Variants in PIWIL2 observed in about 807,000 individuals in gnomAD.
PIWIL2 encodes piwi-like protein 2.
A neutral mutation model predicts 116.5 loss-of-function variants in PIWIL2; 81 were observed. The observed-to-expected ratio is 0.70, with a 90% CI of 0.58 to 0.84. PIWIL2 has a LOEUF of 0.84. Ranked by LOEUF, PIWIL2 falls within the 40% of genes least tolerant of loss-of-function variation. The pLI is 0.00. For missense variants in PIWIL2, 1,272 were observed against 1,212.3 expected (o/e 1.05, Z -0.73); for synonymous variants, 489 against 429.5 (o/e 1.14, Z -1.71).
intron 20 of PIWIL2, among the ~76,000 whole-genome samples, chr8:22,336,279 A>G (rs572020065): frequency 6.6e-6 from 1 of 152,346 alleles, no homozygotes; most frequent in African/African-American, 2.4e-5. Context: ...TAATCTTTCA[A>G]AATACATTCT....
At chr8:22,322,037 A>G (rs1586578013) in intron 20 of PIWIL2, 1 of 949,674 alleles carries the variant, frequency 1.1e-6, no homozygotes, top group South Asian at 4.9e-5. Flanking sequence ...TTTTTTGTAA[A>G]TAAACTTTTT....
intron 19 of PIWIL2, 34 bp downstream of exon 19, chr8:22,316,367 T>G (rs767812590): frequency 1.6e-6 from 2 of 1,266,858 alleles, no homozygotes; most frequent in Non-Finnish European, 2.3e-6. Flanking sequence ...CTTGTTTGAT[T>G]ATTTCATTTT....
rs34130038 is a variant in PIWIL2, at chr8:22,282,244, C to CTTT, written c.425+754_425+756dup. On this transcript the variant is annotated intron_variant, in intron 4 of 22. Transcript: ENST00000356766. ...TACAGGTGTGCGCCACCACACCCGG[C>CTTT]TTTTTTTTTTTTTTTTTTTTTTTTT... 3.9e-4 allele frequency among the ~76,000 whole-genome samples: 13 copies of CTTT among 33,570 alleles called. 2 individuals carry two copies. The highest frequency in any genetic ancestry group is 5.7e-4 in the African/African-American group (5 of 8,738). The allele number at this position is 33,570 out of a possible 152,430, so 22.0% of individuals were successfully genotyped here. A position where few individuals can be genotyped will look rare whatever the true frequency, so the allele number is the denominator to read the frequency against.
chr8:22,301,266 C>T (rs908535377), intron 10 of PIWIL2, among the ~76,000 whole-genome samples: 5 of 152,046 alleles, frequency 3.3e-5, no homozygotes, highest in Admixed American at 6.6e-5. Flanking sequence ...CCATCACACC[C>T]GGCCAGTGGT....
chr8:22,291,107 T>G (rs560757152), intron 10 of PIWIL2, among the ~76,000 whole-genome samples: 1 of 151,788 alleles, frequency 6.6e-6, no homozygotes, highest in African/African-American at 2.4e-5. Context: ...TAGCTGGAAT[T>G]ATAGGCGCCC....
intron 10 of PIWIL2, among the ~76,000 whole-genome samples, chr8:22,302,932 C>G (rs888571310): frequency 6.6e-6 from 1 of 152,200 alleles, no homozygotes; most frequent in Non-Finnish European, 1.5e-5. Context: ...GACAACAAAT[C>G]TAGGCTAACA....
At chr8:22,340,598 C>T (rs1022755558) in intron 20 of PIWIL2, among the ~76,000 whole-genome samples, 7 of 151,992 alleles carry the variant, frequency 4.6e-5, no homozygotes, top group Admixed American at 4.6e-4. Context: ...CAGACACAGA[C>T]GGGAGAAGGC....
At chr8:22,326,053 C>T (rs139500210) in intron 20 of PIWIL2, among the ~76,000 whole-genome samples, 18 of 152,120 alleles carry the variant, frequency 1.2e-4, no homozygotes, top group Non-Finnish European at 1.9e-4. Context: ...TTCAGCCTAT[C>T]TCTGCACTGC....
rs777424281 is a variant in PIWIL2 at position 22,308,038 on chromosome 8, C to T, written c.1651C>T (p.Arg551Cys). 4.5e-5 allele frequency: 72 copies of T among 1,613,754 alleles called. 1 individual carries two copies. The Middle Eastern group carries it at 6.6e-4, about 15-fold the overall frequency. The change falls in exon 14 of 23, where the codon CGT (arginine) becomes TGT (cysteine). Residue 551 changes from arginine (R) to cysteine (C), a missense_variant. By Grantham distance (180) the Arg-to-Cys change is radical. Coordinates refer to ENST00000356766, the MANE Select transcript of PIWIL2 (RefSeq NM_018068.5). Reference sequence around the variant, plus strand: ...CGAGGCAGCCACCAATGAACTGATGCGTTGGGGGCTCCGTCTGCAAAAGGA... The same window carrying T: ...CGAGGCAGCCACCAATGAACTGATGTGTTGGGGGCTCCGTCTGCAAAAGGA... ...KNEAATNELM[R>C]WGLRLQKDVH...
chr8:22,324,212 A>C (rs1054261964), intron 20 of PIWIL2, among the ~76,000 whole-genome samples: 2 of 152,248 alleles, frequency 1.3e-5, no homozygotes, highest in African/African-American at 4.8e-5. Flanking sequence ...TAGTGTGCCA[A>C]GATCACGCCA....
intron 20 of PIWIL2, among the ~76,000 whole-genome samples, chr8:22,335,576 C>G (rs1014753129): frequency 8.5e-6 from 1 of 118,300 alleles, no homozygotes; most frequent in African/African-American, 3.2e-5. Context: ...GAGACGCAGT[C>G]TTGCTCTGTT....
At chr8:22,311,878 T>C (rs1370047627) in intron 16 of PIWIL2, among the ~76,000 whole-genome samples, 2 of 152,360 alleles carry the variant, frequency 1.3e-5, no homozygotes, top group Non-Finnish European at 2.9e-5. Context: ...AGCCCTTGAA[T>C]TGAACATTCT....
chr8:22,345,972 CT>C (rs1008693956), intron 20 of PIWIL2, among the ~76,000 whole-genome samples: 4 of 152,096 alleles, frequency 2.6e-5, no homozygotes, highest in Non-Finnish European at 4.4e-5. Flanking sequence ...GGATTAAAAT[CT>C]TTTGGGGTGA....
chr8:22,287,786 C>T (rs769909213), intron 7 of PIWIL2, 141 bp downstream of exon 7: 74 of 642,644 alleles, frequency 1.2e-4, no homozygotes, highest in Non-Finnish European at 1.9e-4. Flanking sequence ...GGACTACAGG[C>T]GTGTGAGCCA....
At chr8:22,307,526 A>C (rs1302284250) in intron 13 of PIWIL2, among the ~76,000 whole-genome samples, 1 of 121,834 alleles carries the variant, frequency 8.2e-6, no homozygotes, top group East Asian at 2.4e-4. Flanking sequence ...TCTGTTGCCC[A>C]GGCTGGAGGG....
In PIWIL2 at chr8:22,314,314, C is replaced by T; in HGVS notation, c.1990-14C>T. 1 of 1,452,192 alleles carries T rather than the reference C, an allele frequency of 6.9e-7. No individual in the cohort carries two copies. The highest frequency in any genetic ancestry group is 9.3e-7 in the Non-Finnish European group (1 of 1,070,088). 90.0% of individuals were successfully genotyped at this position (1,452,192 alleles called of 1,614,324 possible). A position where few individuals can be genotyped will look rare whatever the true frequency, so the allele number is the denominator to read the frequency against. The stretch of plus-strand genomic sequence containing the variant: ...ATTCCACAGCCTGACTTGTATATAC[C>T]TTATCTCCTCAAGGGGAAGATACAG... On this transcript the variant is annotated splice_polypyrimidine_tract_variant and intron_variant, in intron 16 of 22. Coordinates refer to ENST00000356766, the MANE Select transcript of PIWIL2 (RefSeq NM_018068.5).
intron 8 of PIWIL2, among the ~76,000 whole-genome samples, 157 bp from the exon 9 acceptor site, chr8:22,289,685 GTTTTC>G (rs1296964234): frequency 6.6e-6 from 1 of 152,176 alleles, no homozygotes. Context: ...GCAGTTTTTG[GTTTTC>G]TTTTAACAAG....
intron 20 of PIWIL2, among the ~76,000 whole-genome samples, chr8:22,327,881 A>G (rs971539862): frequency 2.0e-5 from 3 of 152,194 alleles, no homozygotes; most frequent in African/African-American, 7.2e-5. Context: ...TGATTTACAA[A>G]TATCTCCCCC....
intron 2 of PIWIL2, 89 bp downstream of exon 2, chr8:22,279,673 C>G: frequency 7.9e-7 from 1 of 1,273,670 alleles, no homozygotes; most frequent in East Asian, 2.3e-5. Context: ...GCTTGCAGGG[C>G]TGGGCACGGT....
Sources: gnomAD v4.1 joint callset for allele counts (sites outside exome capture counted in the v4.1 genomes callset) on GRCh38, gnomAD v4.1.1 for gene constraint, MANE v1.5 for transcripts, NCBI Gene and HGNC (gene_info 2026-07-23, HGNC 2026-07-21) for gene names.